HSD17B13: variants seen among roughly 807,000 people sequenced by gnomAD.
HSD17B13 encodes the protein hydroxysteroid 17-beta dehydrogenase 13.
A neutral mutation model predicts 31.1 loss-of-function variants in HSD17B13; 26 were observed. The ratio of observed to expected loss-of-function variants is 0.84; its 90% CI spans 0.61 to 1.16. The LOEUF is 1.16. Among genes scored for constraint, HSD17B13 ranks in the 50% most tolerant of loss-of-function variants. The pLI is 0.00. For missense variants in HSD17B13, 374 were observed against 366.5 expected (o/e 1.02, Z -0.17); for synonymous variants, 141 against 133.7 (o/e 1.05, Z -0.38).
chr4:87,313,679 A>G, intron 5 of HSD17B13, 144 bp downstream of exon 5: 1 of 652,298 alleles, frequency 1.5e-6, no homozygotes, highest in Non-Finnish European at 2.5e-6. Flanking sequence ...TTATTCCTTT[A>G]ATTTCAAGAT....
At chr4:87,316,221 C>T (rs907944669) in intron 3 of HSD17B13, among the ~76,000 whole-genome samples, 2 of 152,022 alleles carry the variant, frequency 1.3e-5, no homozygotes, top group African/African-American at 4.8e-5. Flanking sequence ...ACTAGAACTC[C>T]CAACCCAAGC....
chr4:87,317,287 T>G, intron 2 of HSD17B13, 64 bp from the exon 3 acceptor site: 4 of 1,523,364 alleles, frequency 2.6e-6, no homozygotes, highest in South Asian at 1.1e-5. Flanking sequence ...TTGGGACCAA[T>G]ATAATCCAAA....
chr4:87,308,932 C>CAAAAAAAAAAAAAAAAAA, intron 6 of HSD17B13, among the ~76,000 whole-genome samples: 1 of 127,038 alleles, frequency 7.9e-6, no homozygotes, highest in South Asian at 2.5e-4. Flanking sequence ...AGGAATCTAC[C>CAAAAAAAAAAAAAAAAAA]AAAAAAAAAA....
Position 87,310,942 on chromosome 4 carries a change from A to G in HSD17B13, c.696-583T>C, listed in dbSNP as rs975498360. Among the ~76,000 whole-genome samples the G allele has an allele frequency of 3.3e-5, 5 of 152,324 alleles. No homozygotes were observed. In the South Asian group the frequency reaches 1.0e-3, roughly 32 times the overall value. On this transcript the variant is annotated intron_variant, in intron 5 of 6. Coordinates refer to ENST00000328546, the MANE Select transcript of HSD17B13 (RefSeq NM_178135.5). ...GGATGAGATAGGAGGTTGGCACAAG[A>G]TTCAGGTCATAAAGACCTTGTTGAT...
At chr4:87,308,510 A>T (rs1269128946) in intron 6 of HSD17B13, among the ~76,000 whole-genome samples, 10 of 103,498 alleles carry the variant, frequency 9.7e-5, no homozygotes, top group African/African-American at 4.5e-4. Flanking sequence ...AAAAAAAAAA[A>T]AAAAAAAAAA....
At chr4:87,319,114 G>A (rs754633639) in intron 1 of HSD17B13, among the ~76,000 whole-genome samples, 2 of 152,104 alleles carry the variant, frequency 1.3e-5, no homozygotes, top group Admixed American at 6.5e-5. Context: ...CCCGGGAGGC[G>A]GAGGTTGCAG....
chr4:87,310,197 A>T, intron 6 of HSD17B13, 46 bp downstream of exon 6: 1 of 1,463,442 alleles, frequency 6.8e-7, no homozygotes. Flanking sequence ...CAAAAAAAAA[A>T]GCTCTATTGG....
chr4:87,321,429 CAAAA>C (rs1734786011), intron 1 of HSD17B13, among the ~76,000 whole-genome samples: 1 of 152,084 alleles, frequency 6.6e-6, no homozygotes, highest in Non-Finnish European at 1.5e-5. Flanking sequence ...GCCCTTTCCC[CAAAA>C]ATACACATCT....
intron 1 of HSD17B13, among the ~76,000 whole-genome samples, chr4:87,320,832 A>G (rs1734769793): frequency 6.6e-6 from 1 of 152,182 alleles, no homozygotes; most frequent in South Asian, 2.1e-4. Context: ...ATAAGAGCCA[A>G]ACTGCTACTG....
At chr4:87,310,186 G>GAAA in intron 6 of HSD17B13, 57 bp downstream of exon 6, 16 of 1,347,546 alleles carry the variant, frequency 1.2e-5, no homozygotes, top group Middle Eastern at 2.4e-4. Flanking sequence ...AAAAAAAAAA[G>GAAA]CAAAAAAAAA....
chr4:87,307,290 A>C (rs1734411590), intron 6 of HSD17B13, among the ~76,000 whole-genome samples: 1 of 152,208 alleles, frequency 6.6e-6, no homozygotes, highest in East Asian at 1.9e-4. Flanking sequence ...CAAAGGATAC[A>C]AAAGACTTTG....
In HSD17B13 at chr4:87,322,684, G is replaced by C. The variant is rs1734815682; in HGVS notation, c.158C>G (p.Thr53Ser). ...GCTCTGTCGTTTTGCAAATTCATAA[G>C]TAGTCTGCCTGCCTATTCCATGCCC... is the stretch of plus-strand genomic sequence containing the variant. Reference protein sequence around the residue: ...GAGHGIGRQTTYEFAKRQSIL... With the variant: ...GAGHGIGRQTSYEFAKRQSIL... The change falls in exon 1 of 7, where the codon ACT becomes AGT. Residue 53 changes from threonine (T) to serine (S), a missense_variant. Transcript: ENST00000328546. The C allele has an allele frequency of 6.2e-7, 1 of 1,613,992 alleles. No individual in the cohort carries two copies. Among genetic ancestry groups the C allele is most frequent in the Non-Finnish European group, 8.5e-7 (1 of 1,180,014 alleles).
chr4:87,318,339 G>A lies in HSD17B13; in HGVS notation c.308C>T (p.Ser103Phe). 6.2e-7 allele frequency: 1 copy of A among 1,611,986 alleles called. No homozygotes were observed. ...DCSNREEIYRSLNQVKKEVGD... is the reference protein window; with the variant it reads ...DCSNREEIYRFLNQVKKEVGD... ...AACCTGCAGTCTCACCTGATTTAGAGAGCGATAGATCTCTTCTCTGTTGCT... is the reference window on the plus strand; with the variant it reads ...AACCTGCAGTCTCACCTGATTTAGAAAGCGATAGATCTCTTCTCTGTTGCT... Residue 103 changes from serine to phenylalanine, a missense_variant, in exon 2 of 7, where the codon TCT (serine) becomes TTT (phenylalanine). Ser to Phe is a radical substitution (Grantham distance 155, BLOSUM62 -2). Coordinates refer to ENST00000328546, the MANE Select transcript of HSD17B13 (RefSeq NM_178135.5).
In HSD17B13 at chr4:87,318,424, C is replaced by T. The variant is rs779052367; in HGVS notation, c.223G>A (p.Glu75Lys). The change falls in exon 2 of 7, where the codon GAA (glutamate) becomes AAA (lysine). Residue 75 changes from glutamate to lysine, a missense_variant. Coordinates refer to ENST00000328546, the MANE Select transcript of HSD17B13 (RefSeq NM_178135.5). Reference sequence around the variant, plus strand: ...AGTTTTCGGCACTCAGCTGCAGTTTCCTCCACACCGCGCTGTAATTAGGAA... The same window carrying T: ...AGTTTTCGGCACTCAGCTGCAGTTTTCTCCACACCGCGCTGTAATTAGGAA... ...LWDINKRGVE[E>K]TAAECRKLGV... 2 of 1,613,970 alleles carry T rather than the reference C, an allele frequency of 1.2e-6. No individual in the cohort carries two copies. The highest frequency in any genetic ancestry group is 1.7e-6 in the Non-Finnish European group (2 of 1,179,826).
At chr4:87,317,380 G>A (rs185706108) in intron 2 of HSD17B13, among the ~76,000 whole-genome samples, 157 bp from the exon 3 acceptor site, 250 of 152,102 alleles carry the variant, frequency 1.6e-3, no homozygotes, top group African/African-American at 5.5e-3. Context: ...GGAGGCCAAG[G>A]GAACACTGTC....
intron 6 of HSD17B13, among the ~76,000 whole-genome samples, chr4:87,308,471 A>C (rs1734440414): frequency 8.8e-6 from 1 of 113,008 alleles, no homozygotes; most frequent in African/African-American, 3.1e-5. Flanking sequence ...AACAGGGTGA[A>C]ACCCCGTCTC....
chr4:87,316,218 C>G (rs1734646829), intron 3 of HSD17B13, among the ~76,000 whole-genome samples: 1 of 152,170 alleles, frequency 6.6e-6, no homozygotes, highest in East Asian at 1.9e-4. Flanking sequence ...AGAACTAGAA[C>G]TCCCAACCCA....
chr4:87,312,405 G>A (rs6850337), intron 5 of HSD17B13, among the ~76,000 whole-genome samples: 9,387 of 151,874 alleles, frequency 0.062, 435 homozygotes, highest in African/African-American at 0.12. Flanking sequence ...AGAGCACATG[G>A]CCCCCACTAT....
At position 87,317,149 on chromosome 4, in the gene HSD17B13, G is replaced by A; in HGVS notation, c.393C>T (p.Ser131=). The change falls in exon 3 of 7, where the codon AGC becomes AGT. Residue 131 remains serine (S), a synonymous_variant. Transcript: ENST00000328546. ...TCTTGGTAATCTCTTCATCCTTGGT[G>A]CTGAGAAGATCGGCTGGATATACTG... ...AGTVYPADLL[S]TKDEEITKTF... The A allele has an allele frequency of 6.2e-7, 1 of 1,613,982 alleles. No individual in the cohort carries two copies. The highest frequency in any genetic ancestry group is 8.5e-7 in the Non-Finnish European group (1 of 1,179,834).
Sources: gnomAD v4.1 joint callset for allele counts (sites outside exome capture counted in the v4.1 genomes callset) on GRCh38, gnomAD v4.1.1 for gene constraint, MANE v1.5 for transcripts, NCBI Gene and HGNC (gene_info 2026-07-23, HGNC 2026-07-21) for gene names.